Variants in ATP2C1 observed in about 807,000 individuals in gnomAD.
ATP2C1 encodes the protein ATPase secretory pathway Ca2+ transporting 1, also known as calcium-transporting ATPase type 2C member 1.
ATP2C1 carries 31 observed loss-of-function variants against 120.5 expected under a neutral mutation model. The observed-to-expected ratio is 0.26, with a 90% CI of 0.19 to 0.35. The LOEUF is 0.35. Ranked by LOEUF, ATP2C1 falls within the 10% of genes least tolerant of loss-of-function variation. ATP2C1 has a pLI of 1.00. For synonymous variants in ATP2C1, 351 were observed against 358.7 expected (o/e 0.98, Z 0.24); for missense variants, 731 against 1,107.5 (o/e 0.66, Z 4.83).
At chr3:130,859,729 T>G (rs2067956779) in intron 1 of ATP2C1, among the ~76,000 whole-genome samples, 1 of 152,232 alleles carries the variant, frequency 6.6e-6, no homozygotes, top group Non-Finnish European at 1.5e-5. Context: ...CTGAGCTATT[T>G]TTAATCCCTT....
rs764158088 is a variant in ATP2C1 at position 130,967,192 on chromosome 3, T to C, written c.1170T>C (p.Gly390=). ...YNQFGEVIVD[G]DVVHGFYNPA... The stretch of plus-strand genomic sequence containing the variant: ...AATTTGGGGAAGTGATTGTTGATGG[T>C]GATGTTGTTCATGGATTCTATAACC... Residue 390 remains glycine (G), a synonymous_variant, in exon 15 of 28, where the codon GGT becomes GGC. Transcript: ENST00000510168. 9.9e-6 allele frequency: 16 copies of C among 1,613,794 alleles called. No homozygotes were observed. Among genetic ancestry groups the C allele is most frequent in the Non-Finnish European group, 1.1e-5 (13 of 1,179,864 alleles).
intron 20 of ATP2C1, among the ~76,000 whole-genome samples, chr3:130,991,547 T>TA (rs897614155): frequency 3.3e-5 from 5 of 151,684 alleles, no homozygotes; most frequent in Admixed American, 6.6e-5. Context: ...CTCTTCCATT[T>TA]AAAAAAAATA....
intron 2 of ATP2C1, among the ~76,000 whole-genome samples, chr3:130,906,253 GC>G (rs1159564111): frequency 6.6e-6 from 1 of 151,968 alleles, no homozygotes; most frequent in Non-Finnish European, 1.5e-5. Flanking sequence ...CCTTTCGCTA[GC>G]CCCTGGTAAC....
chr3:130,935,003 A>C (rs2059605761), intron 5 of ATP2C1, among the ~76,000 whole-genome samples: 1 of 151,994 alleles, frequency 6.6e-6, no homozygotes, highest in South Asian at 2.1e-4. Context: ...CAGCAATTTT[A>C]AAATTTTTTT....
At chr3:131,006,123 G>GT (rs1344376794), downstream of ATP2C1, among the ~76,000 whole-genome samples, 5 of 152,170 alleles carry the variant, frequency 3.3e-5, no homozygotes, top group Non-Finnish European at 7.4e-5. Flanking sequence ...TCATTTGTTT[G>GT]TTTTTTGAGA....
At chr3:130,902,284 G>A (rs796761797) in intron 2 of ATP2C1, among the ~76,000 whole-genome samples, 2 of 65,504 alleles carry the variant, frequency 3.1e-5, no homozygotes, top group Non-Finnish European at 6.0e-5. Context: ...AAGGCTTCAC[G>A]TTTTTTTTTT....
chr3:130,941,172 C>T (rs1000985534), intron 7 of ATP2C1, among the ~76,000 whole-genome samples: 5 of 151,660 alleles, frequency 3.3e-5, no homozygotes, highest in Admixed American at 2.6e-4. Context: ...CCTCGGCCTC[C>T]CAAAGTGTTG....
intron 1 of ATP2C1, among the ~76,000 whole-genome samples, chr3:130,862,185 G>A (rs1199902535): frequency 1.7e-4 from 25 of 149,544 alleles, no homozygotes; most frequent in African/African-American, 3.0e-4. Context: ...GAGTTTCACC[G>A]TGTTAGCCAG....
In ATP2C1 at chr3:130,937,421, T is replaced by C; in HGVS notation, c.325-7T>C. On this transcript the variant is annotated splice_polypyrimidine_tract_variant and splice_region_variant and intron_variant, in intron 5 of 27. Transcript: ENST00000510168. Reference sequence around the variant, plus strand: ...GTCTGATTTAAAAGCCTGTTTCTTTTGTTTAGGCAATACTTATCGTTGTTA... The same window carrying C: ...GTCTGATTTAAAAGCCTGTTTCTTTCGTTTAGGCAATACTTATCGTTGTTA... 6.2e-7 allele frequency: 1 copy of C among 1,613,052 alleles called. No individual in the cohort carries two copies. The highest frequency in any genetic ancestry group is 8.5e-7 in the Non-Finnish European group (1 of 1,179,032).
chr3:130,936,734 G>A (rs961206593), intron 5 of ATP2C1, among the ~76,000 whole-genome samples: 54 of 147,832 alleles, frequency 3.7e-4, no homozygotes, highest in African/African-American at 1.2e-3. Context: ...GGAGAATGGC[G>A]TGAACCCCGG....
chr3:130,891,240 T>G (rs551271688), upstream of ATP2C1, among the ~76,000 whole-genome samples: 265 of 152,324 alleles, frequency 1.7e-3, 8 homozygotes, highest in Non-Finnish European at 4.6e-4. Flanking sequence ...TTTAAAATAA[T>G]TTTTTCCAAG....
At chr3:130,984,400 A>G (rs1426818628) in intron 20 of ATP2C1, among the ~76,000 whole-genome samples, 2 of 152,164 alleles carry the variant, frequency 1.3e-5, no homozygotes, top group South Asian at 2.1e-4. Context: ...CCGTTAACAT[A>G]TATTGCTGAA....
Position 130,894,089 on chromosome 3 carries a change from A to C in ATP2C1, c.-429A>C. ...CAGGAGTCGGAGGCGGGAGCAGACC[A>C]GCACGGCCTCGCGGAGCCGGCCCGG... On this transcript the variant is annotated 5_prime_UTR_variant, in exon 1 of 28. Transcript: ENST00000510168. This position sits in a 1 kb window ranked among gnomAD's most constrained non-coding sequence, Gnocchi z 4.5. 1.0e-6 allele frequency: 1 copy of C among 978,364 alleles called. No individual in the cohort carries two copies. The highest frequency in any genetic ancestry group is 1.2e-6 in the Non-Finnish European group (1 of 823,596). The allele number at this position is 978,364 out of a possible 1,614,324, so 60.6% of individuals were successfully genotyped here. A position where few individuals can be genotyped will look rare whatever the true frequency, so the allele number is the denominator to read the frequency against.
chr3:130,903,881 A>C (rs978753016), intron 2 of ATP2C1, among the ~76,000 whole-genome samples: 1 of 152,054 alleles, frequency 6.6e-6, no homozygotes, highest in Non-Finnish European at 1.5e-5. Context: ...CCATCCTTGT[A>C]CCAAATTTCT....
chr3:130,979,230 G>A lies in ATP2C1; in HGVS notation c.1571-19G>A, dbSNP rs756020009. ...ACTCACTTTTTTTTGTTGTTGTTTG[G>A]ATTTTATTATTTCCTAAGTTCTTGC... On this transcript the variant is annotated intron_variant, in intron 18 of 27. Transcript: ENST00000510168. 7 of 1,612,462 alleles carry A rather than the reference G, an allele frequency of 4.3e-6. No homozygotes were observed. The Admixed American group carries it at 5.0e-5, about 12-fold the overall frequency.
chr3:130,919,917 G>C (rs964966164), intron 2 of ATP2C1, among the ~76,000 whole-genome samples: 14 of 152,058 alleles, frequency 9.2e-5, no homozygotes, highest in African/African-American at 3.1e-4. Context: ...ATTGTGTTGT[G>C]GTTTTGATTT....
intron 1 of ATP2C1, among the ~76,000 whole-genome samples, chr3:130,880,547 G>T (rs2068748725): frequency 6.6e-6 from 1 of 152,158 alleles, no homozygotes; most frequent in South Asian, 2.1e-4. Context: ...TTTTCCACCT[G>T]ATCTTTGATT....
intron 16 of ATP2C1, among the ~76,000 whole-genome samples, chr3:130,968,060 A>G (rs921067444): frequency 1.3e-5 from 2 of 152,212 alleles, no homozygotes; most frequent in Non-Finnish European, 2.9e-5. Context: ...TGATACTTGT[A>G]TAAAGCAAGA....
At chr3:130,930,919 G>A (rs1408057353) in intron 3 of ATP2C1, among the ~76,000 whole-genome samples, 1 of 152,062 alleles carries the variant, frequency 6.6e-6, no homozygotes. Context: ...AGTAGTGGTA[G>A]GAGTTTATCT....
Sources: gnomAD v4.1 joint callset for allele counts (sites outside exome capture counted in the v4.1 genomes callset) on GRCh38, gnomAD v4.1.1 for gene constraint, Gnocchi (gnomAD v3.1) non-coding constraint, MANE v1.5 for transcripts, NCBI Gene and HGNC (gene_info 2026-07-23, HGNC 2026-07-21) for gene names.